The following SIGLEC15 variants were observed in gnomAD, a reference collection of about 807,000 sequenced individuals.
SIGLEC15 encodes sialic acid-binding Ig-like lectin 15.
In SIGLEC15, 31 loss-of-function variants were observed where a neutral mutation model predicts 26.2. The observed-to-expected ratio is 1.18, with a 90% confidence interval of 0.89 to 1.60. The LOEUF is 1.60. Among genes scored for constraint, SIGLEC15 ranks in the 40% most tolerant of loss-of-function variants. The pLI is 0.00. For missense variants in SIGLEC15, 501 were observed against 488.4 expected (o/e 1.03, Z -0.24); for synonymous variants, 207 against 221.9 (o/e 0.93, Z 0.60).
rs1170451992 is a variant in SIGLEC15 at position 45,838,855 on chromosome 18, C to T, written c.634C>T (p.Arg212Trp). 6.3e-7 allele frequency: 1 copy of T among 1,576,318 alleles called. No homozygotes were observed. The highest frequency in any genetic ancestry group is 8.6e-7 in the Non-Finnish European group (1 of 1,166,406). Residue 212 changes from arginine to tryptophan, a missense_variant, in exon 4 of 6, where the codon CGG becomes TGG. Transcript: ENST00000389474. Reference sequence around the variant, plus strand: ...CCTGGGCAACAGCTTGGCAGCCGTGCGGAGCCCGCGTGAGGGTCACGGCCA... The same window carrying T: ...CCTGGGCAACAGCTTGGCAGCCGTGTGGAGCCCGCGTGAGGGTCACGGCCA... ...PALGNSLAAVRSPREGHGHLV... is the reference protein window; with the variant it reads ...PALGNSLAAVWSPREGHGHLV...
At chr18:45,828,654 G>T (rs776653487) in intron 1 of SIGLEC15, among the ~76,000 whole-genome samples, 1 of 152,190 alleles carries the variant, frequency 6.6e-6, no homozygotes, top group Non-Finnish European at 1.5e-5. Context: ...CCTCTGCAAT[G>T]GGGATTTGGT....
intron 1 of SIGLEC15, chr18:45,829,053 A>G: frequency 3.1e-6 from 3 of 980,676 alleles, no homozygotes; most frequent in South Asian, 4.7e-5. Context: ...AGGGATCACT[A>G]TGGAGGCTGG....
chr18:45,834,003 C>A (rs1340240750), intron 1 of SIGLEC15, among the ~76,000 whole-genome samples: 1 of 152,182 alleles, frequency 6.6e-6, no homozygotes, highest in African/African-American at 2.4e-5. Context: ...GCACTGTGTG[C>A]TCTGGCCTCA....
intron 1 of SIGLEC15, among the ~76,000 whole-genome samples, chr18:45,836,653 CA>C (rs1039837743): frequency 1.3e-5 from 2 of 152,208 alleles, no homozygotes; most frequent in African/African-American, 4.8e-5. Flanking sequence ...TTGCACAGAG[CA>C]AGGAGGCAGT....
intron 1 of SIGLEC15, among the ~76,000 whole-genome samples, chr18:45,827,211 C>T (rs543143114): frequency 6.6e-5 from 10 of 152,314 alleles, no homozygotes; most frequent in Admixed American, 3.9e-4. Flanking sequence ...CCACCATGCC[C>T]GGCAGAGAAA....
At chr18:45,832,225 C>G (rs1481848305) in intron 1 of SIGLEC15, among the ~76,000 whole-genome samples, 1 of 152,218 alleles carries the variant, frequency 6.6e-6, no homozygotes, top group Non-Finnish European at 1.5e-5. Flanking sequence ...ACTATGTTCG[C>G]CATTTTGCAG....
At position 45,837,513 on chromosome 18, in the gene SIGLEC15, G is replaced by T. The variant is rs1205319404; in HGVS notation, c.113G>T (p.Ser38Ile). ...TENLLNTEVH[S>I]SPAQRWSMQV... Reference sequence around the variant, plus strand: ...CTGACGCAGCCCGCCCCGCCCTCAGGCTCGCCAGCGCAGCGCTGGTCCATG... The same window carrying T: ...CTGACGCAGCCCGCCCCGCCCTCAGTCTCGCCAGCGCAGCGCTGGTCCATG... Residue 38 changes from serine to isoleucine, a missense_variant and splice_region_variant, in exon 3 of 6, where the codon AGC (serine) becomes ATC (isoleucine). Coordinates refer to ENST00000389474, the MANE Select transcript of SIGLEC15 (RefSeq NM_213602.3). 22 of 1,491,062 alleles carry T rather than the reference G, an allele frequency of 1.5e-5. No individual in the cohort carries two copies. In the East Asian group the frequency reaches 5.9e-4, roughly 40 times the overall value. The allele number at this position is 1,491,062 out of a possible 1,614,324, so 92.4% of individuals were successfully genotyped here. A position where few individuals can be genotyped will look rare whatever the true frequency, so the allele number is the denominator to read the frequency against.
chr18:45,830,882 G>C (rs1046052697), intron 1 of SIGLEC15, among the ~76,000 whole-genome samples: 5 of 152,026 alleles, frequency 3.3e-5, no homozygotes, highest in Admixed American at 3.3e-4. Context: ...ACAGGCGTGA[G>C]CCACCGCGCT....
At position 45,825,704 on chromosome 18, in the gene SIGLEC15, C is replaced by T. The variant is rs1022514725; in HGVS notation, c.-25C>T. 6.2e-7 allele frequency: 1 copy of T among 1,614,060 alleles called. No individual in the cohort carries two copies. The highest frequency in any genetic ancestry group is 8.5e-7 in the Non-Finnish European group (1 of 1,179,904). On this transcript the variant is annotated 5_prime_UTR_variant, in exon 1 of 6. Transcript: ENST00000389474. ...GGGAGGTGGCCGAGAGCGGGTCTGG[C>T]CTGGGGTGTTCAGATGCTCACAGCA...
At chr18:45,840,463 C>T (rs547933374) in intron 5 of SIGLEC15, among the ~76,000 whole-genome samples, 2 of 152,222 alleles carry the variant, frequency 1.3e-5, no homozygotes, top group Non-Finnish European at 2.9e-5. Context: ...TCCTCCCCCA[C>T]GACTCCAGGC....
rs2048303345 is a variant in SIGLEC15, at chr18:45,839,110, G to C, written c.874+15G>C. On this transcript the variant is annotated intron_variant, in intron 4 of 5. Transcript: ENST00000389474. ...CCGCCGCCCAGGTGGGTGCGCCCCA[G>C]ACACGGGTGGCCGCGAGGGGCCGGG... 7.3e-7 allele frequency: 1 copy of C among 1,369,140 alleles called. No individual in the cohort carries two copies. The highest frequency in any genetic ancestry group is 1.5e-5 in the African/African-American group (1 of 64,918). The allele number at this position is 1,369,140 out of a possible 1,614,324, so 84.8% of individuals were successfully genotyped here. A position where few individuals can be genotyped will look rare whatever the true frequency, so the allele number is the denominator to read the frequency against.
At chr18:45,840,110 T>C in intron 4 of SIGLEC15, 101 bp from the exon 5 acceptor site, 1 of 1,359,928 alleles carries the variant, frequency 7.4e-7, no homozygotes, top group Non-Finnish European at 1.0e-6. Context: ...AAAACAGTGG[T>C]TTCCTCGAGA....
intron 3 of SIGLEC15, chr18:45,838,387 GC>G: frequency 2.3e-6 from 1 of 441,176 alleles, no homozygotes; most frequent in Non-Finnish European, 4.0e-6. Context: ...CTCCACTCTA[GC>G]CCCCACCCTG....
In SIGLEC15 at chr18:45,842,144, A is replaced by G. The variant is rs2048329863; in HGVS notation, c.944A>G (p.Gln315Arg). 1 of 1,614,226 alleles carries G rather than the reference A, an allele frequency of 6.2e-7. No homozygotes were observed. Among genetic ancestry groups the G allele is most frequent in the Non-Finnish European group, 8.5e-7 (1 of 1,180,030 alleles). ...GAGTCCAATTATGAAAATTTGAGCC[A>G]GATGAACCCCCGGAGCCCACCAGCC... The part of the protein sequence containing the change: ...AQESNYENLS[Q>R]MNPRSPPATM... Residue 315 changes from glutamine to arginine, a missense_variant, in exon 6 of 6, where the codon CAG becomes CGG. Transcript: ENST00000389474.
intron 1 of SIGLEC15, among the ~76,000 whole-genome samples, chr18:45,826,466 G>C (rs1379791190): frequency 6.6e-6 from 1 of 152,186 alleles, no homozygotes; most frequent in African/African-American, 2.4e-5. Flanking sequence ...TGCAGAATCA[G>C]AGTATCAGGC....
chr18:45,839,498 A>T lies in SIGLEC15; in HGVS notation c.874+403A>T, dbSNP rs542366979. On this transcript the variant is annotated intron_variant, in intron 4 of 5. Coordinates refer to ENST00000389474, the MANE Select transcript of SIGLEC15 (RefSeq NM_213602.3). ...TGTGGGTGCTAGGAATACACTGATG[A>T]ATATGGCATGGTCCCCTGCCCTGCA... 9.9e-5 allele frequency among the ~76,000 whole-genome samples: 15 copies of T among 152,188 alleles called. No homozygotes were observed. The East Asian group carries it at 2.3e-3, about 24-fold the overall frequency.
intron 1 of SIGLEC15, among the ~76,000 whole-genome samples, chr18:45,830,752 A>ATTTTTTTTTTTT (rs34498635): frequency 6.7e-4 from 79 of 118,084 alleles, no homozygotes; most frequent in African/African-American, 1.8e-3. Flanking sequence ...TGCCAGGCTA[A>ATTTTTTTTTTTT]TTTTTTTTTT....
At chr18:45,828,927 G>A (rs925441403) in intron 1 of SIGLEC15, 10 of 188,734 alleles carry the variant, frequency 5.3e-5, no homozygotes, top group Non-Finnish European at 9.9e-5. Context: ...CACAGCCCAG[G>A]AGGAAATGGG....
At position 45,838,776 on chromosome 18, in the gene SIGLEC15, G is replaced by A. The variant is rs771682979; in HGVS notation, c.555G>A (p.Ala185=). The change falls in exon 4 of 6, where the codon GCG becomes GCA. Residue 185 remains alanine, a synonymous_variant. Transcript: ENST00000389474. ...VLPSPAHAFR[A]LCTAEGEPPP... ...CCAGTCCGGCTCACGCCTTCCGCGC[G>A]CTCTGCACTGCCGAAGGGGAGCCGC... The A allele has an allele frequency of 6.4e-6, 10 of 1,570,228 alleles. No individual in the cohort carries two copies. In the African/African-American group the frequency reaches 1.1e-4, roughly 17 times the overall value.
Sources: gnomAD v4.1 joint callset for allele counts (sites outside exome capture counted in the v4.1 genomes callset) on GRCh38, gnomAD v4.1.1 for gene constraint, MANE v1.5 for transcripts, NCBI Gene and HGNC (gene_info 2026-07-23, HGNC 2026-07-21) for gene names.